Variants in ADGRE1 observed in about 807,000 individuals in gnomAD.
ADGRE1 encodes the protein adhesion G protein-coupled receptor E1, also known as EGF-like module receptor 1.
Under a neutral mutation model 102.7 loss-of-function variants are expected in ADGRE1, and 82 were observed. The ratio of observed to expected loss-of-function variants is 0.80; its 90% CI spans 0.67 to 0.96. ADGRE1 has a LOEUF of 0.96. Among genes scored for constraint, ADGRE1 ranks in the 40% least tolerant of loss-of-function variants. The pLI is 0.00. For synonymous variants in ADGRE1, 398 were observed against 399.6 expected, an observed-to-expected ratio of 1.00 and a Z score of 0.05; for missense variants, 1,032 against 1,085.3, an observed-to-expected ratio of 0.95 and a Z score of 0.69.
rs764950980 is a variant in ADGRE1, at chr19:6,897,316, A to C, written c.394+12A>C. The C allele has an allele frequency of 4.3e-6, 7 of 1,613,876 alleles. No homozygotes were observed. The highest frequency in any genetic ancestry group is 2.2e-5 in the East Asian group (1 of 44,844). On this transcript the variant is annotated intron_variant, in intron 4 of 20. Coordinates refer to ENST00000312053, the MANE Select transcript of ADGRE1 (RefSeq NM_001974.5). ...TTTCTCCTGTACTGGTAATGCTCTC[A>C]GGTTCCCAGGGATGGGTCTTGGGTG...
chr19:6,891,011 G>C (rs1288014938), intron 2 of ADGRE1: 2 of 153,614 alleles, frequency 1.3e-5, no homozygotes, highest in African/African-American at 4.8e-5. Flanking sequence ...GACATTGTCA[G>C]TTCGTAGTTG....
intron 2 of ADGRE1, among the ~76,000 whole-genome samples, chr19:6,892,857 G>A (rs1198693614): frequency 1.3e-5 from 2 of 152,222 alleles, no homozygotes; most frequent in African/African-American, 4.8e-5. Context: ...ACCAGGCACA[G>A]AAAGACAAAT....
chr19:6,937,596 A>T lies in ADGRE1; in HGVS notation c.2603A>T (p.Gln868Leu), dbSNP rs758617764. The T allele has an allele frequency of 6.2e-7, 1 of 1,614,182 alleles. No individual in the cohort carries two copies. ...WITGKTKPSS[Q>L]SQTSRILLSS... The stretch of plus-strand genomic sequence containing the variant: ...ACTGGGAAGACGAAGCCCAGCTCCC[A>T]GTCCCAGACCTCAAGGATCTTGCTG... The change falls in exon 20 of 21, where the codon CAG (glutamine) becomes CTG (leucine). Residue 868 changes from glutamine to leucine, a missense_variant. Physicochemically the swap from Gln to Leu is moderately radical, Grantham distance 113. Coordinates refer to ENST00000312053, the MANE Select transcript of ADGRE1 (RefSeq NM_001974.5).
In ADGRE1 at chr19:6,940,198, C is replaced by A; in HGVS notation, c.*169C>A. 1.4e-6 allele frequency: 1 copy of A among 722,692 alleles called. No homozygotes were observed. Among genetic ancestry groups the A allele is most frequent in the Non-Finnish European group, 2.3e-6 (1 of 435,048 alleles). 44.8% of individuals were successfully genotyped at this position (722,692 alleles called of 1,614,324 possible). On this transcript the variant is annotated 3_prime_UTR_variant, in exon 21 of 21. Transcript: ENST00000312053. Reference sequence around the variant, plus strand: ...GGGGCGGTCTTCCTGTGGTTGTATGCACTGATGAGAAATCAGGCGTTTCTG... The same window carrying A: ...GGGGCGGTCTTCCTGTGGTTGTATGAACTGATGAGAAATCAGGCGTTTCTG...
At position 6,901,920 on chromosome 19, in the gene ADGRE1, C is replaced by A. The variant is rs780235055; in HGVS notation, c.560C>A (p.Thr187Asn). 2 of 1,614,202 alleles carry A rather than the reference C, an allele frequency of 1.2e-6. No individual in the cohort carries two copies. Among genetic ancestry groups the A allele is most frequent in the Non-Finnish European group, 8.5e-7 (1 of 1,180,036 alleles). ...ADPRACPEHA[T>N]CNNTVGNYSC... ...CCAAGAGCTTGCCCAGAGCATGCAACTTGTAATAACACTGTTGGAAACTAC... is the reference window on the plus strand; with the variant it reads ...CCAAGAGCTTGCCCAGAGCATGCAAATTGTAATAACACTGTTGGAAACTAC... Residue 187 changes from threonine to asparagine, a missense_variant, in exon 6 of 21, where the codon ACT becomes AAT. Thr to Asn is a moderately conservative substitution (Grantham distance 65, BLOSUM62 0). Coordinates refer to ENST00000312053, the MANE Select transcript of ADGRE1 (RefSeq NM_001974.5).
chr19:6,940,008 C>A lies in ADGRE1; in HGVS notation c.2656-16C>A, dbSNP rs369261978. On this transcript the variant is annotated splice_polypyrimidine_tract_variant and intron_variant, in intron 20 of 20. Coordinates refer to ENST00000312053, the MANE Select transcript of ADGRE1 (RefSeq NM_001974.5). Reference sequence around the variant, plus strand: ...TTCTGCTGCAGACTCTGAGGAAATTCTTTTCTCTCTCACAGGGTTAAAGTC... The same window carrying A: ...TTCTGCTGCAGACTCTGAGGAAATTATTTTCTCTCTCACAGGGTTAAAGTC... The A allele has an allele frequency of 1.2e-6, 2 of 1,613,754 alleles. No homozygotes were observed. Among genetic ancestry groups the A allele is most frequent in the African/African-American group, 1.3e-5 (1 of 74,898 alleles).
Position 6,913,657 on chromosome 19 carries a change from C to A in ADGRE1, c.1127C>A (p.Thr376Lys), listed in dbSNP as rs571156752. 5 of 1,594,182 alleles carry A rather than the reference C, an allele frequency of 3.1e-6. No individual in the cohort carries two copies. The South Asian group carries it at 4.6e-5, about 15-fold the overall frequency. ...NKTTVVSLKN[T>K]TESFVPVLKQ... ...CAAACACATCTTTCCTTGCAGAATA[C>A]AACTGAGAGCTTTGTCCCTGTGCTT... The change falls in exon 11 of 21, where the codon ACA becomes AAA. Residue 376 changes from threonine to lysine, a missense_variant. Physicochemically the swap from Thr to Lys is moderately conservative, Grantham distance 78. Transcript: ENST00000312053.
intron 20 of ADGRE1, among the ~76,000 whole-genome samples, chr19:6,938,854 G>A (rs1975553839): frequency 6.7e-6 from 1 of 149,430 alleles, no homozygotes; most frequent in African/African-American, 2.5e-5. Flanking sequence ...GGAGTGCAGT[G>A]GTGTGATCTT....
intron 1 of ADGRE1, among the ~76,000 whole-genome samples, chr19:6,889,258 AATGGTGATG>A (rs1973260058): frequency 6.7e-6 from 1 of 148,904 alleles, no homozygotes; most frequent in Non-Finnish European, 1.5e-5. Context: ...TGATGATGAT[AATGGTGATG>A]ATGGTGATAA....
intron 17 of ADGRE1, 123 bp from the exon 18 acceptor site, chr19:6,934,864 C>A (rs888872636): frequency 2.0e-5 from 10 of 494,318 alleles, no homozygotes; most frequent in African/African-American, 2.0e-4. Flanking sequence ...GCCTCAGCCT[C>A]CCAAAGTGCT....
chr19:6,900,462 A>T (rs1331889740), intron 5 of ADGRE1, among the ~76,000 whole-genome samples: 1 of 152,202 alleles, frequency 6.6e-6, no homozygotes, highest in Non-Finnish European at 1.5e-5. Context: ...TCCAGCCTGG[A>T]TAACAGAGCA....
intron 12 of ADGRE1, among the ~76,000 whole-genome samples, chr19:6,918,638 A>T (rs1974498024): frequency 6.6e-6 from 1 of 152,172 alleles, no homozygotes; most frequent in Non-Finnish European, 1.5e-5. Context: ...ATGTGGGAGA[A>T]CTTATTTCCC....
intron 14 of ADGRE1, among the ~76,000 whole-genome samples, chr19:6,923,520 TTTTC>T (rs781177862): frequency 9.2e-5 from 14 of 151,986 alleles, no homozygotes; most frequent in Non-Finnish European, 1.5e-4. Flanking sequence ...TGGCCAGTTT[TTTTC>T]TTTCTTTTTC....
At chr19:6,927,629 T>C (rs1974975323) in intron 16 of ADGRE1, among the ~76,000 whole-genome samples, 1 of 152,032 alleles carries the variant, frequency 6.6e-6, no homozygotes. Flanking sequence ...GAGGTGACAT[T>C]TGAGCTGAGA....
intron 10 of ADGRE1, among the ~76,000 whole-genome samples, chr19:6,912,424 C>T (rs980473641): frequency 2.0e-5 from 3 of 152,164 alleles, no homozygotes; most frequent in African/African-American, 4.8e-5. Context: ...ATAGCCTCTA[C>T]TTCATAGATA....
intron 11 of ADGRE1, among the ~76,000 whole-genome samples, chr19:6,915,010 G>GTT (rs11448240): frequency 1.0e-3 from 148 of 148,650 alleles, no homozygotes; most frequent in Middle Eastern, 6.9e-3. Flanking sequence ...GGGAGTTAAG[G>GTT]TTTTTTTTTT....
intron 11 of ADGRE1, among the ~76,000 whole-genome samples, chr19:6,914,653 G>A (rs1826892991): frequency 6.6e-6 from 1 of 152,186 alleles, no homozygotes; most frequent in African/African-American, 2.4e-5. Flanking sequence ...AACAAAATTA[G>A]CCTCATGAAT....
intron 5 of ADGRE1, chr19:6,898,520 G>A: frequency 1.3e-6 from 2 of 1,553,636 alleles, no homozygotes; most frequent in South Asian, 2.2e-5. Context: ...AGTGGGGTGA[G>A]TTCATGTATT....
chr19:6,890,361 T>C, intron 1 of ADGRE1, 120 bp from the exon 2 acceptor site: 1 of 888,722 alleles, frequency 1.1e-6, no homozygotes, highest in South Asian at 1.7e-5. Context: ...TCATCTAGCC[T>C]CTTCAAACCT....
Sources: gnomAD v4.1 joint callset for allele counts (sites outside exome capture counted in the v4.1 genomes callset) on GRCh38, gnomAD v4.1.1 for gene constraint, MANE v1.5 for transcripts, NCBI Gene and HGNC (gene_info 2026-07-23, HGNC 2026-07-21) for gene names.